CACNA1C: variants seen among roughly 807,000 people sequenced by gnomAD.
CACNA1C encodes the protein calcium voltage-gated channel subunit alpha1 C.
In CACNA1C, 30 loss-of-function variants were observed where a neutral mutation model predicts 229.0. That is an observed-to-expected ratio of 0.13 (90% CI 0.10 to 0.18). The LOEUF is 0.18. Among genes scored for constraint, CACNA1C ranks in the 10% least tolerant of loss-of-function variants. CACNA1C has a pLI of 1.00. For synonymous variants in CACNA1C, 1,114 were observed against 1,132.5 expected, an observed-to-expected ratio of 0.98 and a Z score of 0.33; for missense variants, 1,658 against 2,845.0, an observed-to-expected ratio of 0.58 and a Z score of 9.49.
At chr12:2,444,937 G>A (rs892990344) in intron 3 of CACNA1C, among the ~76,000 whole-genome samples, 16 of 152,110 alleles carry the variant, frequency 1.1e-4, no homozygotes, top group Non-Finnish European at 1.5e-4. Flanking sequence ...ATTGCAGGGC[G>A]TATCTCACCA....
intron 1 of CACNA1C, chr12:1,993,280 G>A: frequency 6.2e-7 from 1 of 1,614,128 alleles, no homozygotes; most frequent in Admixed American, 1.7e-5. Flanking sequence ...CATTTCTGTA[G>A]AGAAGGAAAG....
intron 1 of CACNA1C, among the ~76,000 whole-genome samples, chr12:2,041,528 G>A (rs1337211740): frequency 6.6e-6 from 1 of 151,890 alleles, no homozygotes. Context: ...TGCCCGCCTC[G>A]GCCTCCCAAA....
intron 3 of CACNA1C, among the ~76,000 whole-genome samples, chr12:2,364,350 C>T (rs972576669): frequency 6.6e-6 from 1 of 152,134 alleles, no homozygotes; most frequent in Non-Finnish European, 1.5e-5. Context: ...AGTAAAAGTG[C>T]ACACCTTGTT....
chr12:2,141,261 A>C (rs1163880554), intron 3 of CACNA1C, among the ~76,000 whole-genome samples: 2 of 151,260 alleles, frequency 1.3e-5, no homozygotes, highest in African/African-American at 2.4e-5. Context: ...CCAAGGCTCC[A>C]GAGGAGCAGG....
intron 3 of CACNA1C, among the ~76,000 whole-genome samples, chr12:2,227,862 C>T (rs1431302580): frequency 6.7e-6 from 1 of 150,280 alleles, no homozygotes; most frequent in Non-Finnish European, 1.5e-5. Context: ...GCACATCTTA[C>T]AACTTACAAC....
chr12:2,019,591 G>T (rs1377339440), intron 1 of CACNA1C, among the ~76,000 whole-genome samples: 1 of 138,512 alleles, frequency 7.2e-6, no homozygotes, highest in Admixed American at 7.5e-5. Context: ...GAGAGAGAAA[G>T]AAAGAGAAGG....
At chr12:2,641,444 A>C (rs931079194) in intron 30 of CACNA1C, 6 of 476,732 alleles carry the variant, frequency 1.3e-5, no homozygotes, top group African/African-American at 1.2e-4. Flanking sequence ...CACATAGATT[A>C]AATCAAGTTC....
intron 5 of CACNA1C, among the ~76,000 whole-genome samples, chr12:2,461,841 G>C (rs886604203): frequency 6.6e-6 from 1 of 152,138 alleles, no homozygotes; most frequent in African/African-American, 2.4e-5. Flanking sequence ...AGCGCTGGCC[G>C]CCCTCGCCTC....
intron 3 of CACNA1C, among the ~76,000 whole-genome samples, chr12:2,328,232 GTTCT>G (rs1418205350): frequency 6.6e-6 from 1 of 152,300 alleles, no homozygotes; most frequent in East Asian, 1.9e-4. Context: ...GGATGCCCCA[GTTCT>G]TTCTTCTTAG....
chr12:2,256,227 A>G (rs1225695096), intron 3 of CACNA1C, among the ~76,000 whole-genome samples: 1 of 152,164 alleles, frequency 6.6e-6, no homozygotes, highest in Admixed American at 6.6e-5. Flanking sequence ...CTACATTTTT[A>G]ACAAGCTTCA....
chr12:2,102,815 A>G (rs2076925224), intron 1 of CACNA1C, among the ~76,000 whole-genome samples: 1 of 152,174 alleles, frequency 6.6e-6, no homozygotes, highest in African/African-American at 2.4e-5. Context: ...CTGGCCACGT[A>G]TGAGTGAGAA....
At chr12:2,588,394 T>G (rs2063523551) in intron 18 of CACNA1C, among the ~76,000 whole-genome samples, 1 of 152,218 alleles carries the variant, frequency 6.6e-6, no homozygotes, top group Non-Finnish European at 1.5e-5. Flanking sequence ...GGGAGCACAC[T>G]GCCATGCTCT....
In CACNA1C at chr12:2,354,488, G is replaced by C. The variant is rs564260332; in HGVS notation, c.478-94488G>C. Reference sequence around the variant, plus strand: ...GAGGAACAGGAGACTGTTGAGAAGGGGACGGAGAACCTCACCAGCAGCTGA... The same window carrying C: ...GAGGAACAGGAGACTGTTGAGAAGGCGACGGAGAACCTCACCAGCAGCTGA... On this transcript the variant is annotated intron_variant, in intron 3 of 46. Transcript: ENST00000399655. This position sits in a 1 kb window ranked among gnomAD's most constrained non-coding sequence, Gnocchi z 4.6. 2.0e-5 allele frequency among the ~76,000 whole-genome samples: 3 copies of C among 152,274 alleles called. No individual in the cohort carries two copies. The highest frequency in any genetic ancestry group is 4.4e-5 in the Non-Finnish European group (3 of 68,018).
chr12:2,210,722 A>G (rs1384621651), intron 3 of CACNA1C, among the ~76,000 whole-genome samples: 2 of 152,222 alleles, frequency 1.3e-5, no homozygotes, highest in Non-Finnish European at 2.9e-5. Context: ...AGTGTATTAG[A>G]GAAAAAAGCA....
Position 2,597,182 on chromosome 12 carries a change from T to G in CACNA1C, c.2794-48T>G. ...ACTGACCTCTCTTCCCGTCCTGCTT[T>G]TCTCCCTTCCCCATCCCATCCCCAC... On this transcript the variant is annotated intron_variant, in intron 20 of 46. Transcript: ENST00000399655. The surrounding 1 kb of genome is among the most constrained non-coding windows in gnomAD (Gnocchi z 4.3). The G allele has an allele frequency of 4.9e-6, 6 of 1,231,394 alleles. No homozygotes were observed. The highest frequency in any genetic ancestry group is 7.2e-6 in the Non-Finnish European group (6 of 836,702). The allele number at this position is 1,231,394 out of a possible 1,614,324, so 76.3% of individuals were successfully genotyped here. A position where few individuals can be genotyped will look rare whatever the true frequency, so the allele number is the denominator to read the frequency against.
chr12:2,493,475 T>C lies in CACNA1C; in HGVS notation c.1113+89T>C. Reference sequence around the variant, plus strand: ...CCTCCCTTTCTCCTCCTCCCCATGGTCTTGGGGTCACATACGCATCTTGAT... The same window carrying C: ...CCTCCCTTTCTCCTCCTCCCCATGGCCTTGGGGTCACATACGCATCTTGAT... On this transcript the variant is annotated intron_variant, in intron 7 of 46. Coordinates refer to ENST00000399655, the MANE Select transcript of CACNA1C (RefSeq NM_000719.7). The surrounding 1 kb of genome is among the most constrained non-coding windows in gnomAD (Gnocchi z 4.6). 3 of 968,250 alleles carry C rather than the reference T, an allele frequency of 3.1e-6. No homozygotes were observed. The highest frequency in any genetic ancestry group is 4.9e-6 in the Non-Finnish European group (3 of 610,298). 60.0% of individuals were successfully genotyped at this position (968,250 alleles called of 1,614,324 possible). A position where few individuals can be genotyped will look rare whatever the true frequency, so the allele number is the denominator to read the frequency against.
At chr12:2,160,897 C>T (rs1232128728) in intron 3 of CACNA1C, among the ~76,000 whole-genome samples, 5 of 152,252 alleles carry the variant, frequency 3.3e-5, no homozygotes. Context: ...TCTTGGCTCA[C>T]TGCAACCTCC....
At chr12:2,031,299 C>T (rs892630006) in intron 1 of CACNA1C, among the ~76,000 whole-genome samples, 2 of 152,274 alleles carry the variant, frequency 1.3e-5, no homozygotes, top group Non-Finnish European at 2.9e-5. Context: ...AACCAAAACT[C>T]GTGGCACTCA....
At chr12:2,179,726 A>C (rs1598290412) in intron 3 of CACNA1C, among the ~76,000 whole-genome samples, 1 of 152,208 alleles carries the variant, frequency 6.6e-6, no homozygotes, top group East Asian at 1.9e-4. Flanking sequence ...AGCTCGAAAA[A>C]GAACAAAGTT....
Sources: allele counts gnomAD v4.1 joint callset (sites outside exome capture counted in the v4.1 genomes callset), GRCh38; gene constraint gnomAD v4.1.1; non-coding constraint Gnocchi (gnomAD v3.1); transcripts MANE v1.5; gene names NCBI Gene and HGNC (gene_info 2026-07-23, HGNC 2026-07-21).